CEP350: variants seen among roughly 807,000 people sequenced by gnomAD.
The protein encoded by CEP350 is centrosomal protein 350.
Under a neutral mutation model 331.8 loss-of-function variants are expected in CEP350, and 126 were observed. The ratio of observed to expected loss-of-function variants is 0.38; its 90% confidence interval spans 0.33 to 0.44. The LOEUF is 0.44. Ranked by LOEUF, CEP350 falls within the 20% of genes least tolerant of loss-of-function variation. The pLI is 1.00. For synonymous variants in CEP350, 1,200 were observed against 1,259.5 expected, an observed-to-expected ratio of 0.95 and a Z score of 1.00; for missense variants, 3,406 against 3,634.6, an observed-to-expected ratio of 0.94 and a Z score of 1.62.
In CEP350 at chr1:179,986,267, T is replaced by A. The variant is rs1652640661; in HGVS notation, c.73+13T>A. The A allele has an allele frequency of 8.4e-6, 13 of 1,544,580 alleles. No homozygotes were observed. The highest frequency in any genetic ancestry group is 1.1e-5 in the Non-Finnish European group (12 of 1,142,136). On this transcript the variant is annotated intron_variant, in intron 2 of 37. Transcript: ENST00000367607. ...GATACTGTTCAAGGTATGATTTTGT[T>A]TTTTTAAACAGAACTTAATACCTCA...
chr1:179,993,841 CTT>C lies in CEP350; in HGVS notation c.395+1621_395+1622del, dbSNP rs1255920320. On this transcript the variant is annotated intron_variant, in intron 5 of 37. Transcript: ENST00000367607. ...TGGATTCCATTCCTCACTTAAAACT[CTT>C]ATTACTTTCTGTGGGAAAAATGACC... Among the ~76,000 whole-genome samples the C allele has an allele frequency of 2.0e-5, 3 of 152,284 alleles. No individual in the cohort carries two copies. In the East Asian group the frequency reaches 5.8e-4, roughly 29 times the overall value.
chr1:179,954,845 G>T lies in CEP350; in HGVS notation c.-311G>T. ...CTGTAATGGCGACTGGGCCGCCCCT[G>T]ACGAAGTGACTCCCGGGCCGGGGAG... is the stretch of plus-strand genomic sequence containing the variant. On this transcript the variant is annotated 5_prime_UTR_variant, in exon 1 of 38. Coordinates refer to ENST00000367607, the MANE Select transcript of CEP350 (RefSeq NM_014810.5). The T allele has an allele frequency of 2.3e-6, 1 of 433,988 alleles. No individual in the cohort carries two copies. The highest frequency in any genetic ancestry group is 4.0e-6 in the Non-Finnish European group (1 of 247,446). The allele number at this position is 433,988 out of a possible 1,614,324, so 26.9% of individuals were successfully genotyped here.
chr1:180,026,730 T>G (rs1655704940), intron 14 of CEP350, among the ~76,000 whole-genome samples: 1 of 152,236 alleles, frequency 6.6e-6, no homozygotes, highest in Non-Finnish European at 1.5e-5. Context: ...TTTGTCCTTT[T>G]TATCTTGCTT....
chr1:180,055,788 C>T (rs1031663150), intron 25 of CEP350, among the ~76,000 whole-genome samples: 1 of 151,930 alleles, frequency 6.6e-6, no homozygotes, highest in Admixed American at 6.5e-5. Context: ...CCTCGCGATC[C>T]GCCATCCTCA....
intron 12 of CEP350, among the ~76,000 whole-genome samples, chr1:180,021,470 A>G (rs1655316389): frequency 6.6e-6 from 1 of 152,266 alleles, no homozygotes; most frequent in South Asian, 2.1e-4. Context: ...CCTGGCCAAC[A>G]TGGTGAAACC....
Position 179,954,921 on chromosome 1 carries a change from G to T in CEP350, c.-235G>T. ...ACTGCAGGGAGCCGCAGCTCGGGGG[G>T]TGGCTTGCCCTGAGGGAGGGGAGGC... On this transcript the variant is annotated 5_prime_UTR_variant, in exon 1 of 38. Transcript: ENST00000367607. The T allele has an allele frequency of 1.4e-6, 1 of 723,646 alleles. No individual in the cohort carries two copies. The highest frequency in any genetic ancestry group is 3.1e-5 in the South Asian group (1 of 32,672). 44.8% of individuals were successfully genotyped at this position (723,646 alleles called of 1,614,324 possible).
intron 1 of CEP350, among the ~76,000 whole-genome samples, chr1:179,966,887 A>G (rs1651055451): frequency 6.6e-6 from 1 of 152,194 alleles, no homozygotes; most frequent in African/African-American, 2.4e-5. Context: ...AGCAGTGGAC[A>G]AAATGAGTCC....
At chr1:179,958,401 G>A (rs1372965053) in intron 1 of CEP350, among the ~76,000 whole-genome samples, 3 of 152,126 alleles carry the variant, frequency 2.0e-5, no homozygotes, top group Admixed American at 6.5e-5. Flanking sequence ...ATTTCAAGAT[G>A]TCAATAACAT....
intron 7 of CEP350, among the ~76,000 whole-genome samples, chr1:180,006,243 G>T (rs1267142591): frequency 6.6e-6 from 1 of 152,118 alleles, no homozygotes; most frequent in Non-Finnish European, 1.5e-5. Flanking sequence ...CCCAATACTG[G>T]AGTGGTGGTA....
chr1:180,036,933 G>A lies in CEP350; in HGVS notation c.3954G>A (p.Lys1318=), dbSNP rs148421179. 3.2e-6 allele frequency: 5 copies of A among 1,567,808 alleles called. No individual in the cohort carries two copies. Among genetic ancestry groups the A allele is most frequent in the Non-Finnish European group, 3.4e-6 (4 of 1,159,696 alleles). Residue 1318 remains lysine (K), a synonymous_variant, in exon 17 of 38, where the codon AAG becomes AAA. Transcript: ENST00000367607. ...TENMAPIPGS[K]RFSPAGLHHR... ...CATTGTCATGCCTTCCAGGTTCTAA[G>A]CGCTTTTCTCCTGCTGGCCTCCATC...
intron 1 of CEP350, among the ~76,000 whole-genome samples, chr1:179,958,528 T>G (rs561971578): frequency 1.3e-4 from 20 of 152,204 alleles, no homozygotes; most frequent in Non-Finnish European, 2.5e-4. Context: ...GTATCTATAT[T>G]TACTTCATGA....
intron 1 of CEP350, among the ~76,000 whole-genome samples, chr1:179,962,234 AAGGTGTG>A (rs1356596445): frequency 6.6e-6 from 1 of 152,070 alleles, no homozygotes; most frequent in African/African-American, 2.4e-5. Flanking sequence ...CAAGTGAGAG[AAGGTGTG>A]ATATTTGATT....
chr1:179,998,641 A>C (rs938093641), intron 6 of CEP350, among the ~76,000 whole-genome samples: 1 of 151,958 alleles, frequency 6.6e-6, no homozygotes, highest in Non-Finnish European at 1.5e-5. Context: ...CTAACAATCT[A>C]GGGCACTTTT....
intron 17 of CEP350, among the ~76,000 whole-genome samples, chr1:180,039,787 T>A (rs73034478): frequency 0.017 from 2,559 of 149,190 alleles, 74 homozygotes; most frequent in African/African-American, 0.062. Context: ...AGTTTGTTAG[T>A]TTCAACAACA....
Position 179,987,281 on chromosome 1 carries a change from G to A in CEP350, c.115G>A (p.Ala39Thr), listed in dbSNP as rs367948492. 2 of 1,546,206 alleles carry A rather than the reference G, an allele frequency of 1.3e-6. No individual in the cohort carries two copies. The highest frequency in any genetic ancestry group is 1.4e-5 in the African/African-American group (1 of 73,366). The change falls in exon 3 of 38, where the codon GCT becomes ACT. Residue 39 changes from alanine (A) to threonine (T), a missense_variant. Coordinates refer to ENST00000367607, the MANE Select transcript of CEP350 (RefSeq NM_014810.5). The part of the protein sequence containing the change: ...TSWDALSQTK[A>T]ALRHIENKLE... ...GTGGGATGCACTTTCTCAAACCAAG[G>A]CTGCTGTAAGTAGTTTTAGCTTCCA...
chr1:179,969,129 A>T, intron 1 of CEP350: 1 of 656,584 alleles, frequency 1.5e-6, no homozygotes, highest in Non-Finnish European at 2.8e-6. Flanking sequence ...TGCAACAATA[A>T]GGAAGCTCAC....
chr1:180,088,665 A>G (rs1659999867), intron 32 of CEP350, among the ~76,000 whole-genome samples: 1 of 152,212 alleles, frequency 6.6e-6, no homozygotes, highest in Non-Finnish European at 1.5e-5. Flanking sequence ...CATTACCTAA[A>G]TTTGAATCCT....
intron 37 of CEP350, among the ~76,000 whole-genome samples, chr1:180,102,665 A>T: frequency 6.6e-6 from 1 of 152,086 alleles, no homozygotes; most frequent in African/African-American, 2.4e-5. Flanking sequence ...CTTTTCCTTC[A>T]TTCTGAGCTC....
At chr1:179,989,201 G>A (rs976290793) in intron 3 of CEP350, among the ~76,000 whole-genome samples, 2 of 151,696 alleles carry the variant, frequency 1.3e-5, no homozygotes, top group Non-Finnish European at 2.9e-5. Flanking sequence ...GCCTGTAATC[G>A]CAGCACTTTG....
Sources: allele counts gnomAD v4.1 joint callset (sites outside exome capture counted in the v4.1 genomes callset), GRCh38; gene constraint gnomAD v4.1.1; transcripts MANE v1.5; gene names NCBI Gene and HGNC (gene_info 2026-07-23, HGNC 2026-07-21).